The following CELF2 variants were observed in gnomAD, a reference collection of about 807,000 sequenced individuals.
The protein encoded by CELF2 is CUGBP Elav-like family member 2.
Under a neutral mutation model 62.6 loss-of-function variants are expected in CELF2, and 8 were observed. The ratio of observed to expected loss-of-function variants is 0.13; its 90% CI spans 0.07 to 0.23. The LOEUF is 0.23. Among genes scored for constraint, CELF2 ranks in the 10% least tolerant of loss-of-function variants. The pLI, the probability that CELF2 is intolerant of heterozygous loss-of-function variation, is 1.00. For missense variants in CELF2, 333 were observed against 671.0 expected (o/e 0.50, Z 5.56); for synonymous variants, 258 against 250.0 (o/e 1.03, Z -0.30).
At chr10:10,540,380 C>A in the CELF2 span, among the ~76,000 whole-genome samples, 5 of 152,178 alleles carry the variant, frequency 3.3e-5, no homozygotes, top group African/African-American at 9.7e-5. Context: ...AAATGAAGAT[C>A]CTCTCAGGAA....
At chr10:10,787,102 A>G in the CELF2 span, among the ~76,000 whole-genome samples, 2 of 152,234 alleles carry the variant, frequency 1.3e-5, no homozygotes, top group East Asian at 1.9e-4. Flanking sequence ...ATATTCAGTT[A>G]TAAAAAGTTC....
At chr10:10,697,178 T>C in the CELF2 span, among the ~76,000 whole-genome samples, 1 of 151,996 alleles carries the variant, frequency 6.6e-6, no homozygotes, top group East Asian at 1.9e-4. Context: ...TGGGGTATGT[T>C]GAGCATAAAG....
the CELF2 span, among the ~76,000 whole-genome samples, chr10:10,505,783 T>A: frequency 6.6e-6 from 1 of 152,238 alleles, no homozygotes; most frequent in Non-Finnish European, 1.5e-5. Flanking sequence ...CTTGCTAGGC[T>A]GCTGCTTTTC....
chr10:10,712,147 C>CAAAAAAAAAAAAAAAAAAAAAAA, the CELF2 span, among the ~76,000 whole-genome samples: 1 of 43,422 alleles, frequency 2.3e-5, no homozygotes, highest in African/African-American at 7.3e-5. Flanking sequence ...AGGATAGAGA[C>CAAAAAAAAAAAAAAAAAAAAAAA]AAAAAAAAAA....
At chr10:11,164,199 C>T (rs2066403658) in intron 1 of CELF2, among the ~76,000 whole-genome samples, 1 of 152,220 alleles carries the variant, frequency 6.6e-6, no homozygotes. Flanking sequence ...AAATGAGCTG[C>T]CGAGAGGCAT....
At chr10:11,289,332 T>C (rs1426317355) in intron 9 of CELF2, among the ~76,000 whole-genome samples, 3 of 152,176 alleles carry the variant, frequency 2.0e-5, no homozygotes, top group African/African-American at 7.2e-5. Flanking sequence ...CAAAATCCCA[T>C]GACCCCCTAT....
the CELF2 span, among the ~76,000 whole-genome samples, chr10:10,488,494 A>T: frequency 6.6e-6 from 1 of 152,162 alleles, no homozygotes; most frequent in African/African-American, 2.4e-5. Context: ...TTGAATCTTT[A>T]TTCAGTATTA....
the CELF2 span, among the ~76,000 whole-genome samples, chr10:10,634,595 T>G: frequency 6.6e-6 from 1 of 152,118 alleles, no homozygotes; most frequent in Non-Finnish European, 1.5e-5. Context: ...GTAAGCTAGG[T>G]TATGCAATAA....
At chr10:10,887,492 G>C (rs78716408) in intron 1 of CELF2, among the ~76,000 whole-genome samples, 3 of 152,188 alleles carry the variant, frequency 2.0e-5, no homozygotes, top group African/African-American at 7.2e-5. Context: ...TGACTAGGCC[G>C]CTTGTCCAAT....
chr10:10,581,250 T>A, the CELF2 span, among the ~76,000 whole-genome samples: 1 of 152,158 alleles, frequency 6.6e-6, no homozygotes, highest in Non-Finnish European at 1.5e-5. Context: ...AGATATTAGT[T>A]TAAGTACAAC....
chr10:10,688,937 G>T, the CELF2 span, among the ~76,000 whole-genome samples: 1 of 151,976 alleles, frequency 6.6e-6, no homozygotes, highest in Non-Finnish European at 1.5e-5. Context: ...CCAGGAATTC[G>T]AGGCTTCAGT....
At chr10:10,898,124 T>C (rs910256382) in intron 1 of CELF2, among the ~76,000 whole-genome samples, 8 of 152,210 alleles carry the variant, frequency 5.3e-5, no homozygotes, top group African/African-American at 1.9e-4. Flanking sequence ...TCCTCCCTTT[T>C]GGAATGGGAA....
At chr10:10,801,104 T>C (rs1032692874) in intron 1 of CELF2, among the ~76,000 whole-genome samples, 12 of 152,194 alleles carry the variant, frequency 7.9e-5, no homozygotes, top group African/African-American at 2.9e-4. Flanking sequence ...ATGTTGTTTT[T>C]CCCCTAAACA....
the CELF2 span, among the ~76,000 whole-genome samples, chr10:10,538,639 C>T: frequency 0.034 from 5,132 of 151,956 alleles, 303 homozygotes; most frequent in African/African-American, 0.12. Context: ...TATCAAATTT[C>T]CAGCCCCAAA....
At chr10:10,996,892 A>G (rs1349952270) in intron 2 of CELF2, among the ~76,000 whole-genome samples, 2 of 152,134 alleles carry the variant, frequency 1.3e-5, no homozygotes, top group South Asian at 2.1e-4. Flanking sequence ...CAGCAGAGTA[A>G]CTTATCTTCC....
the CELF2 span, among the ~76,000 whole-genome samples, chr10:10,711,082 T>C: frequency 1.3e-5 from 2 of 152,142 alleles, no homozygotes; most frequent in African/African-American, 4.8e-5. Context: ...GTTGCAGTGG[T>C]CCTGGCCTCT....
At chr10:11,067,680 C>G (rs989435710) in intron 1 of CELF2, among the ~76,000 whole-genome samples, 3 of 152,162 alleles carry the variant, frequency 2.0e-5, no homozygotes, top group East Asian at 1.9e-4. Flanking sequence ...ACTCTGTGTT[C>G]TGGATAGTTG....
In CELF2 at chr10:11,207,331, T is replaced by C. The variant is rs1387308796; in HGVS notation, c.272-10094T>C. 6.6e-6 allele frequency among the ~76,000 whole-genome samples: 1 copy of C among 152,138 alleles called. No homozygotes were observed. The highest frequency in any genetic ancestry group is 1.5e-5 in the Non-Finnish European group (1 of 68,028). Reference sequence around the variant, plus strand: ...ACGGGGTCATGGAAATAACAGAAGATGGTTCCTCCAGGGAAAGTCCCCAGG... The same window carrying C: ...ACGGGGTCATGGAAATAACAGAAGACGGTTCCTCCAGGGAAAGTCCCCAGG... On this transcript the variant is annotated intron_variant, in intron 2 of 12. Coordinates refer to ENST00000633077, the MANE Select transcript of CELF2 (RefSeq NM_001326342.2). The surrounding 1 kb of genome is among the most constrained non-coding windows in gnomAD (Gnocchi z 4.1).
intron 1 of CELF2, among the ~76,000 whole-genome samples, chr10:10,830,973 T>G (rs2057803079): frequency 6.6e-6 from 1 of 152,230 alleles, no homozygotes; most frequent in African/African-American, 2.4e-5. Flanking sequence ...ACTTCAGCCT[T>G]GCTTAACTCT....
Sources: gnomAD v4.1 joint callset for allele counts (sites outside exome capture counted in the v4.1 genomes callset) on GRCh38, gnomAD v4.1.1 for gene constraint, Gnocchi (gnomAD v3.1) non-coding constraint, MANE v1.5 for transcripts, NCBI Gene and HGNC (gene_info 2026-07-23, HGNC 2026-07-21) for gene names.